The following SDK1 variants were observed in gnomAD, a reference collection of about 807,000 sequenced individuals.
The protein encoded by SDK1 is protein sidekick-1.
Under a neutral mutation model 245.5 loss-of-function variants are expected in SDK1, and 157 were observed. The observed-to-expected ratio is 0.64, with a 90% confidence interval of 0.56 to 0.73. The LOEUF is 0.73. Among genes scored for constraint, SDK1 ranks in the 30% least tolerant of loss-of-function variants. The pLI is 0.00. For missense variants in SDK1, 3,583 were observed against 3,002.3 expected (o/e 1.19, Z -4.52); for synonymous variants, 1,647 against 1,278.5 (o/e 1.29, Z -6.15).
rs557185047 is a variant in SDK1, at chr7:3,332,479, A to G, written c.298+30595A>G. ...AAAATTGCCCTTTTTCACATTTCTC[A>G]TAAGTAGTAAGTCTCCTAAAGCGAA... On this transcript the variant is annotated intron_variant, in intron 1 of 44. Transcript: ENST00000404826. Among the ~76,000 whole-genome samples the G allele has an allele frequency of 3.3e-5, 5 of 152,326 alleles. No homozygotes were observed. In the South Asian group the frequency reaches 1.0e-3, roughly 32 times the overall value.
At chr7:4,191,172 A>T (rs902267900) in intron 35 of SDK1, among the ~76,000 whole-genome samples, 67 of 150,154 alleles carry the variant, frequency 4.5e-4, no homozygotes, top group African/African-American at 1.7e-3. Flanking sequence ...CGGCGGTCAC[A>T]GTGGGTGTCC....
At chr7:3,494,417 T>C (rs1470594479) in intron 1 of SDK1, among the ~76,000 whole-genome samples, 1 of 152,160 alleles carries the variant, frequency 6.6e-6, no homozygotes, top group Non-Finnish European at 1.5e-5. Context: ...AGCGCTTGAA[T>C]ACAATGATGA....
chr7:3,886,278 G>A (rs1213725196), intron 5 of SDK1, among the ~76,000 whole-genome samples: 1 of 152,182 alleles, frequency 6.6e-6, no homozygotes, highest in Non-Finnish European at 1.5e-5. Context: ...AAAGCAGAGT[G>A]GACTCCAGCC....
intron 1 of SDK1, among the ~76,000 whole-genome samples, chr7:3,350,177 G>C (rs1288118213): frequency 6.6e-6 from 1 of 152,216 alleles, no homozygotes; most frequent in Non-Finnish European, 1.5e-5. Context: ...CAGAAGGAGA[G>C]AGTGGGAGAC....
At chr7:4,161,022 G>A (rs561770472) in intron 31 of SDK1, among the ~76,000 whole-genome samples, 5 of 152,296 alleles carry the variant, frequency 3.3e-5, no homozygotes, top group South Asian at 2.1e-4. Context: ...TACAGAATGC[G>A]TGTCACACTT....
intron 1 of SDK1, among the ~76,000 whole-genome samples, chr7:3,370,795 C>G (rs1374235570): frequency 6.6e-6 from 1 of 152,172 alleles, no homozygotes; most frequent in Non-Finnish European, 1.5e-5. Context: ...ACACAGTGTG[C>G]ATAGCTTTGG....
At chr7:3,762,105 C>T (rs78724190) in intron 4 of SDK1, among the ~76,000 whole-genome samples, 3,007 of 152,304 alleles carry the variant, frequency 0.02, 117 homozygotes, top group African/African-American at 0.068. Flanking sequence ...CTGAATGATT[C>T]AGGAATGAGC....
Position 3,645,454 on chromosome 7 carries a change from A to G in SDK1, c.713+3349A>G, listed in dbSNP as rs1782802571. ...TGCAAGATTACATAAATCAGTATGG[A>G]TATGTGTTTTTCTCCACAAATTTAT... On this transcript the variant is annotated intron_variant, in intron 4 of 44. Transcript: ENST00000404826. Among the ~76,000 whole-genome samples the G allele has an allele frequency of 2.6e-5, 4 of 152,320 alleles. No homozygotes were observed. In the South Asian group the frequency reaches 6.2e-4, roughly 24 times the overall value.
At chr7:3,898,078 A>T (rs1380422564) in intron 5 of SDK1, among the ~76,000 whole-genome samples, 1 of 152,232 alleles carries the variant, frequency 6.6e-6, no homozygotes, top group Admixed American at 6.5e-5. Flanking sequence ...AGCATGAAGC[A>T]ACTCATATTC....
chr7:4,259,158 G>C (rs1787811589), intron 44 of SDK1, among the ~76,000 whole-genome samples: 1 of 152,160 alleles, frequency 6.6e-6, no homozygotes, highest in South Asian at 2.1e-4. Flanking sequence ...TCTTAAACAG[G>C]CCAGGTGCAG....
rs534599641 is a variant in SDK1 at position 3,304,992 on chromosome 7, G to T, written c.298+3108G>T. Among the ~76,000 whole-genome samples the T allele has an allele frequency of 2.6e-4, 40 of 152,270 alleles. No homozygotes were observed. In the South Asian group the frequency reaches 8.3e-3, roughly 32 times the overall value. On this transcript the variant is annotated intron_variant, in intron 1 of 44. Transcript: ENST00000404826. Reference sequence around the variant, plus strand: ...AGAACCACTGCTCTAATGGTTTTACGTGAGGCCACATGGCTTGATTTCCCT... The same window carrying T: ...AGAACCACTGCTCTAATGGTTTTACTTGAGGCCACATGGCTTGATTTCCCT...
Position 3,951,745 on chromosome 7 carries a change from G to A in SDK1, c.975G>A (p.Leu325=). Residue 325 remains leucine (L), a synonymous_variant, in exon 7 of 45, where the codon CTG becomes CTA. Transcript: ENST00000404826. ...CIASARPVED[L]SVTWKRNGVR... ...ATTCCCACAGGCCTGTGGAGGACCT[G>A]AGTGTGACCTGGAAGAGGAATGGAG... The A allele has an allele frequency of 1.2e-6, 2 of 1,613,468 alleles. No homozygotes were observed. The highest frequency in any genetic ancestry group is 8.5e-7 in the Non-Finnish European group (1 of 1,180,018).
At chr7:3,906,229 C>T (rs1778917486) in intron 5 of SDK1, among the ~76,000 whole-genome samples, 1 of 152,126 alleles carries the variant, frequency 6.6e-6, no homozygotes. Context: ...TCCACCTTTT[C>T]ATCGTGTTCT....
In SDK1 at chr7:3,504,265, C is replaced by CGTCGTTGTT. The variant is rs559796677; in HGVS notation, c.299-114813_299-114812insCGTTGTTGT. Among the ~76,000 whole-genome samples, 430 of 146,614 alleles carry CGTCGTTGTT rather than the reference C, an allele frequency of 2.9e-3. 3 individuals are homozygous for CGTCGTTGTT. Among genetic ancestry groups the CGTCGTTGTT allele is most frequent in the African/African-American group, 9.2e-3 (365 of 39,806 alleles). Reference sequence around the variant, plus strand: ...CCCAGCTGGATGCTGCTGTTGTTGTCGTTGTTGTTGTTGTTGTTGTTGTTG... The same window carrying CGTCGTTGTT: ...CCCAGCTGGATGCTGCTGTTGTTGTCGTCGTTGTTGTTGTTGTTGTTGTTGTTGTTGTTG... On this transcript the variant is annotated intron_variant, in intron 1 of 44. Coordinates refer to ENST00000404826, the MANE Select transcript of SDK1 (RefSeq NM_152744.4).
chr7:3,501,547 A>T (rs1417621022), intron 1 of SDK1, among the ~76,000 whole-genome samples: 3 of 152,102 alleles, frequency 2.0e-5, no homozygotes, highest in Non-Finnish European at 4.4e-5. Context: ...TATTGTGGAA[A>T]GGTGATTTAG....
At position 3,565,106 on chromosome 7, in the gene SDK1, C is replaced by A. The variant is rs547315311; in HGVS notation, c.299-53974C>A. ...GTTGCTACTACTGTCACTTTTATTA[C>A]TTTTTTTTTTTTTTAAACCTCACAA... On this transcript the variant is annotated intron_variant, in intron 1 of 44. Transcript: ENST00000404826. 2.8e-5 allele frequency among the ~76,000 whole-genome samples: 4 copies of A among 143,576 alleles called. No homozygotes were observed. The South Asian group carries it at 9.0e-4, about 32-fold the overall frequency. The allele number at this position is 143,576 out of a possible 152,430, so 94.2% of individuals were successfully genotyped here. A position where few individuals can be genotyped will look rare whatever the true frequency, so the allele number is the denominator to read the frequency against.
intron 4 of SDK1, among the ~76,000 whole-genome samples, chr7:3,798,419 G>C (rs547947483): frequency 6.6e-6 from 1 of 151,866 alleles, no homozygotes. Context: ...GGGTTTCACC[G>C]TGTTAGCCAT....
At chr7:3,999,924 G>A (rs1168777116) in intron 14 of SDK1, among the ~76,000 whole-genome samples, 1 of 152,170 alleles carries the variant, frequency 6.6e-6, no homozygotes, top group East Asian at 1.9e-4. Flanking sequence ...AATGATGCCA[G>A]ACCCGAGTCT....
chr7:3,650,671 C>T (rs898617712), intron 4 of SDK1, among the ~76,000 whole-genome samples: 2 of 152,154 alleles, frequency 1.3e-5, no homozygotes, highest in African/African-American at 2.4e-5. Context: ...TAGGATTTCT[C>T]TTATTAACCT....
Sources: allele counts gnomAD v4.1 joint callset (sites outside exome capture counted in the v4.1 genomes callset), GRCh38; gene constraint gnomAD v4.1.1; transcripts MANE v1.5; gene names NCBI Gene and HGNC (gene_info 2026-07-23, HGNC 2026-07-21).